RAB2A: variants seen among roughly 807,000 people sequenced by gnomAD.
The protein encoded by RAB2A is RAB2A, member RAS oncogene family.
RAB2A carries 7 observed loss-of-function variants against 32.5 expected under a neutral mutation model. That is an observed-to-expected ratio of 0.22 (90% CI 0.12 to 0.40). The LOEUF (loss-of-function observed/expected upper bound fraction) is 0.40, where lower values mean the gene tolerates loss of function less well. Ranked by LOEUF, RAB2A falls within the 10% of genes least tolerant of loss-of-function variation. RAB2A has a pLI of 1.00. For synonymous variants in RAB2A, 79 were observed against 85.2 expected (o/e 0.93, Z 0.40); for missense variants, 108 against 260.7 (o/e 0.41, Z 4.03).
At chr8:60,535,396 G>A (rs1306175437) in intron 1 of RAB2A, among the ~76,000 whole-genome samples, 4 of 152,152 alleles carry the variant, frequency 2.6e-5, no homozygotes. Flanking sequence ...ACCTCTATAA[G>A]CCTGTGTGTG....
intron 1 of RAB2A, among the ~76,000 whole-genome samples, chr8:60,524,670 A>G (rs1244614323): frequency 6.6e-6 from 1 of 152,216 alleles, no homozygotes; most frequent in African/African-American, 2.4e-5. Context: ...AACTCAAACT[A>G]TTAATATTTG....
At chr8:60,571,529 G>A (rs1369302967) in intron 2 of RAB2A, among the ~76,000 whole-genome samples, 2 of 152,150 alleles carry the variant, frequency 1.3e-5, no homozygotes, top group East Asian at 3.8e-4. Context: ...ATTTCTGCAT[G>A]TGTATTCATG....
intron 6 of RAB2A, among the ~76,000 whole-genome samples, chr8:60,602,896 G>T (rs940358395): frequency 2.0e-5 from 3 of 152,216 alleles, no homozygotes; most frequent in South Asian, 2.1e-4. Flanking sequence ...AGCTCTATGG[G>T]AGAGGCGGTT....
intron 1 of RAB2A, among the ~76,000 whole-genome samples, chr8:60,548,652 C>A (rs866457307): frequency 6.8e-5 from 10 of 146,594 alleles, no homozygotes; most frequent in Non-Finnish European, 1.5e-4. Flanking sequence ...CTGACCCCCC[C>A]ACCTCCCTCC....
At chr8:60,620,335 A>T (rs892533016) in intron 7 of RAB2A, among the ~76,000 whole-genome samples, 4 of 152,256 alleles carry the variant, frequency 2.6e-5, no homozygotes, top group African/African-American at 9.6e-5. Flanking sequence ...TTAAAGCAGC[A>T]TGGGCTTTGG....
intron 1 of RAB2A, among the ~76,000 whole-genome samples, chr8:60,539,513 C>T (rs1003312201): frequency 3.3e-5 from 5 of 152,164 alleles, no homozygotes; most frequent in Admixed American, 2.6e-4. Flanking sequence ...AAATCTAGCC[C>T]AGTAAATATT....
At chr8:60,607,017 C>A (rs1367829810) in intron 6 of RAB2A, among the ~76,000 whole-genome samples, 1 of 141,336 alleles carries the variant, frequency 7.1e-6, no homozygotes, top group Non-Finnish European at 1.5e-5. Context: ...ATTTCATGGT[C>A]ACTATTATAT....
At chr8:60,577,561 T>A (rs1803658880) in intron 3 of RAB2A, among the ~76,000 whole-genome samples, 1 of 152,166 alleles carries the variant, frequency 6.6e-6, no homozygotes, top group Non-Finnish European at 1.5e-5. Context: ...ATAGAAGTTT[T>A]GTACATGCAT....
chr8:60,592,435 A>T (rs1803957954), intron 6 of RAB2A, among the ~76,000 whole-genome samples: 1 of 152,182 alleles, frequency 6.6e-6, no homozygotes, highest in Non-Finnish European at 1.5e-5. Flanking sequence ...GGAAACAAGG[A>T]ACCACACTAA....
At chr8:60,587,979 G>A (rs550539404) in intron 5 of RAB2A, among the ~76,000 whole-genome samples, 129 of 152,242 alleles carry the variant, frequency 8.5e-4, no homozygotes, top group African/African-American at 2.7e-3. Flanking sequence ...TGATGGGAAC[G>A]TAAAATGATA....
In RAB2A at chr8:60,618,705, T is replaced by A. The variant is rs780369809; in HGVS notation, c.543+57T>A. The stretch of plus-strand genomic sequence containing the variant: ...TAATTTAGAGTTCACTTTTGATTAC[T>A]ATTTTATATTTTTTATTTTATAATT... On this transcript the variant is annotated intron_variant, in intron 7 of 7. Coordinates refer to ENST00000262646, the MANE Select transcript of RAB2A (RefSeq NM_002865.3). 3 of 631,386 alleles carry A rather than the reference T, an allele frequency of 4.8e-6. No individual in the cohort carries two copies. In the Admixed American group the frequency reaches 1.3e-4, roughly 27 times the overall value. The allele number at this position is 631,386 out of a possible 1,614,324, so 39.1% of individuals were successfully genotyped here. A position where few individuals can be genotyped will look rare whatever the true frequency, so the allele number is the denominator to read the frequency against.
intron 2 of RAB2A, among the ~76,000 whole-genome samples, chr8:60,571,039 T>G (rs771909675): frequency 1.3e-5 from 2 of 152,220 alleles, no homozygotes; most frequent in Non-Finnish European, 2.9e-5. Flanking sequence ...ATATAAGAGA[T>G]ATACTACTTT....
intron 3 of RAB2A, among the ~76,000 whole-genome samples, chr8:60,580,066 G>A (rs551296225): frequency 1.6e-4 from 24 of 149,282 alleles, no homozygotes; most frequent in African/African-American, 4.7e-4. Context: ...GCATGATCTC[G>A]GCTCATTGTA....
In RAB2A at chr8:60,553,607, A is replaced by G. The variant is rs77679387; in HGVS notation, c.47-5245A>G. 5.5e-3 allele frequency among the ~76,000 whole-genome samples: 841 copies of G among 152,330 alleles called. 7 individuals are homozygous for G. The highest frequency in any genetic ancestry group is 9.8e-3 in the Non-Finnish European group (664 of 68,032). ...GGTCCCTTTTGTATCTATATATTTAATTTGCTTCTTATAACAGTTCATTGA... is the reference window on the plus strand; with the variant it reads ...GGTCCCTTTTGTATCTATATATTTAGTTTGCTTCTTATAACAGTTCATTGA... On this transcript the variant is annotated intron_variant, in intron 1 of 7. Transcript: ENST00000262646.
At chr8:60,594,604 G>T (rs1323128333) in intron 6 of RAB2A, among the ~76,000 whole-genome samples, 1 of 152,112 alleles carries the variant, frequency 6.6e-6, no homozygotes, top group African/African-American at 2.4e-5. Context: ...TTTACATTGG[G>T]TATTTCTCCT....
chr8:60,543,900 A>G (rs946898090), intron 1 of RAB2A, among the ~76,000 whole-genome samples: 2 of 151,680 alleles, frequency 1.3e-5, no homozygotes, highest in African/African-American at 4.8e-5. Context: ...CGTCTCTACT[A>G]AAAATACGAA....
At chr8:60,539,734 G>A (rs1807610949) in intron 1 of RAB2A, among the ~76,000 whole-genome samples, 1 of 152,136 alleles carries the variant, frequency 6.6e-6, no homozygotes, top group Non-Finnish European at 1.5e-5. Flanking sequence ...TTTGTAAGAG[G>A]GGGAATGCGT....
chr8:60,601,266 C>T (rs975594754), intron 6 of RAB2A, among the ~76,000 whole-genome samples: 5 of 151,756 alleles, frequency 3.3e-5, no homozygotes, highest in Non-Finnish European at 7.4e-5. Flanking sequence ...CAAATAGTTC[C>T]CTCCATATAT....
At chr8:60,558,811 C>T (rs1243718449) in intron 1 of RAB2A, 41 bp from the exon 2 acceptor site, 6 of 1,513,612 alleles carry the variant, frequency 4.0e-6, no homozygotes, top group Non-Finnish European at 5.5e-6. Context: ...ATCTTAATTT[C>T]TGTGAATTTT....
Sources: gnomAD v4.1 joint callset for allele counts (sites outside exome capture counted in the v4.1 genomes callset) on GRCh38, gnomAD v4.1.1 for gene constraint, MANE v1.5 for transcripts, NCBI Gene and HGNC (gene_info 2026-07-23, HGNC 2026-07-21) for gene names.